Variants in PPARGC1B observed in about 807,000 individuals in gnomAD.
PPARGC1B encodes PPARG coactivator 1 beta.
PPARGC1B carries 34 observed loss-of-function variants against 101.6 expected under a neutral mutation model. The observed-to-expected ratio is 0.33, with a 90% CI of 0.25 to 0.45. The LOEUF (loss-of-function observed/expected upper bound fraction) is 0.45. PPARGC1B is among the 20% of genes least tolerant of loss of function. The pLI, the probability that PPARGC1B is intolerant of heterozygous loss-of-function variation, is 1.00. For synonymous variants in PPARGC1B, 548 were observed against 539.3 expected (o/e 1.02, Z -0.22); for missense variants, 1,234 against 1,317.6 (o/e 0.94, Z 0.98).
chr5:149,730,475 C>A lies in PPARGC1B; in HGVS notation c.78+55C>A. On this transcript the variant is annotated intron_variant, in intron 1 of 11. Coordinates refer to ENST00000309241, the MANE Select transcript of PPARGC1B (RefSeq NM_133263.4). The surrounding 1 kb of genome is among the most constrained non-coding windows in gnomAD (Gnocchi z 4.0). ...GCCAGGGGTGCTGAGCTGCGGGGGC[C>A]GCAGCTGCAGCCGCGGAGGCCGGGA... 7.2e-7 allele frequency: 1 copy of A among 1,394,748 alleles called. No individual in the cohort carries two copies. The highest frequency in any genetic ancestry group is 9.6e-7 in the Non-Finnish European group (1 of 1,043,656). The allele number at this position is 1,394,748 out of a possible 1,614,324, so 86.4% of individuals were successfully genotyped here.
rs1759630220 is a variant in PPARGC1B, at chr5:149,847,865, C to T, written c.*307C>T. The T allele has an allele frequency of 2.5e-6, 1 of 392,214 alleles. No homozygotes were observed. The highest frequency in any genetic ancestry group is 4.1e-5 in the Admixed American group (1 of 24,584). The allele number at this position is 392,214 out of a possible 1,614,324, so 24.3% of individuals were successfully genotyped here. On this transcript the variant is annotated 3_prime_UTR_variant, in exon 12 of 12. Coordinates refer to ENST00000309241, the MANE Select transcript of PPARGC1B (RefSeq NM_133263.4). ...TCCGTCACCCATCGCCCCTTCCTTC[C>T]CGACTGACTTCCTCTCGTAGACTTG... is the stretch of plus-strand genomic sequence containing the variant.
rs568251619 is a variant in PPARGC1B at position 149,844,004 on chromosome 5, A to C, written c.2816+1627A>C. On this transcript the variant is annotated intron_variant, in intron 10 of 11. Transcript: ENST00000309241. ...GGGCTGCAGAGAGGAGGAATAAGGGAGGTGTTGTTTAATGGGCGTAGAGTT... is the reference window on the plus strand; with the variant it reads ...GGGCTGCAGAGAGGAGGAATAAGGGCGGTGTTGTTTAATGGGCGTAGAGTT... Among the ~76,000 whole-genome samples, 12 of 152,304 alleles carry C rather than the reference A, an allele frequency of 7.9e-5. No homozygotes were observed. In the East Asian group the frequency reaches 2.3e-3, roughly 29 times the overall value.
At chr5:149,805,894 G>C (rs1186249635) in intron 1 of PPARGC1B, among the ~76,000 whole-genome samples, 1 of 152,256 alleles carries the variant, frequency 6.6e-6, no homozygotes, top group Non-Finnish European at 1.5e-5. Context: ...TGGTGGAGCT[G>C]TGGGGGTTCC....
At chr5:149,780,972 G>C (rs1756576213) in intron 1 of PPARGC1B, among the ~76,000 whole-genome samples, 1 of 152,246 alleles carries the variant, frequency 6.6e-6, no homozygotes, top group African/African-American at 2.4e-5. Context: ...GGGAGGCCAA[G>C]GCGGGGGAAT....
intron 1 of PPARGC1B, among the ~76,000 whole-genome samples, chr5:149,739,049 G>A (rs1335873710): frequency 6.6e-6 from 1 of 152,242 alleles, no homozygotes; most frequent in Non-Finnish European, 1.5e-5. Context: ...GACTAGCAGT[G>A]TGGTTGCCTA....
chr5:149,813,683 TG>T (rs1347329422), intron 1 of PPARGC1B, among the ~76,000 whole-genome samples: 4 of 152,172 alleles, frequency 2.6e-5, no homozygotes, highest in Admixed American at 6.5e-5. Flanking sequence ...GAATGTCACT[TG>T]GGAACTAGAA....
chr5:149,818,002 A>C (rs1338885239), intron 1 of PPARGC1B, among the ~76,000 whole-genome samples: 4 of 152,228 alleles, frequency 2.6e-5, no homozygotes, highest in Non-Finnish European at 5.9e-5. Context: ...GCATCCCCAC[A>C]GTCTGCTTGG....
intron 1 of PPARGC1B, among the ~76,000 whole-genome samples, chr5:149,803,564 A>G (rs1223943161): frequency 6.6e-6 from 1 of 152,170 alleles, no homozygotes; most frequent in Non-Finnish European, 1.5e-5. Flanking sequence ...TTGTTCTGTC[A>G]TTGAGAGAGT....
At chr5:149,765,226 T>C (rs555135451) in intron 1 of PPARGC1B, among the ~76,000 whole-genome samples, 40 of 152,372 alleles carry the variant, frequency 2.6e-4, no homozygotes, top group African/African-American at 8.9e-4. Context: ...TGCCTGGGCA[T>C]GTAAGGCTCA....
rs1456996257 is a variant in PPARGC1B at position 149,847,985 on chromosome 5, T to TG, written c.*428dup. The TG allele has an allele frequency of 1.1e-5, 2 of 179,526 alleles. No individual in the cohort carries two copies. Among genetic ancestry groups the TG allele is most frequent in the Non-Finnish European group, 2.4e-5 (2 of 83,992 alleles). The allele number at this position is 179,526 out of a possible 1,614,324, so 11.1% of individuals were successfully genotyped here. The stretch of plus-strand genomic sequence containing the variant: ...CAGGACTATAAACTTCATTTTTAAT[T>TG]GAAAAAAAAAGTATATCCTTAAAAT... On this transcript the variant is annotated 3_prime_UTR_variant, in exon 12 of 12. Transcript: ENST00000309241.
chr5:149,827,687 A>G (rs1758584499), intron 3 of PPARGC1B, among the ~76,000 whole-genome samples: 1 of 152,264 alleles, frequency 6.6e-6, no homozygotes, highest in Non-Finnish European at 1.5e-5. Flanking sequence ...ACTGGTTTAC[A>G]CTTCCACCAG....
rs575163700 is a variant in PPARGC1B, at chr5:149,733,350, C to T, written c.78+2930C>T. On this transcript the variant is annotated intron_variant, in intron 1 of 11. Transcript: ENST00000309241. ...TCCCAAAGGACTGTGGGTGGCTTCA[C>T]CTTTGTTCAGGCTATGCCCCTGGCC... 1.1e-3 allele frequency among the ~76,000 whole-genome samples: 165 copies of T among 152,324 alleles called. 2 individuals are homozygous for T. The highest frequency in any genetic ancestry group is 1.0e-4 in the Non-Finnish European group (7 of 68,032).
intron 1 of PPARGC1B, among the ~76,000 whole-genome samples, chr5:149,772,292 T>A (rs1756163223): frequency 6.6e-6 from 1 of 152,080 alleles, no homozygotes; most frequent in Non-Finnish European, 1.5e-5. Flanking sequence ...TACGGTAGTG[T>A]GCGTGATGTG....
rs186349696 is a variant in PPARGC1B at position 149,816,144 on chromosome 5, G to C, written c.79-4289G>C. ...CTCTCTAAATATGGAGATGGCCAGAGAAATCACTATTAATGTGGCGCTTAA... is the reference window on the plus strand; with the variant it reads ...CTCTCTAAATATGGAGATGGCCAGACAAATCACTATTAATGTGGCGCTTAA... On this transcript the variant is annotated intron_variant, in intron 1 of 11. Transcript: ENST00000309241. Among the ~76,000 whole-genome samples the C allele has an allele frequency of 5.3e-5, 8 of 152,342 alleles. No homozygotes were observed. In the East Asian group the frequency reaches 1.3e-3, roughly 26 times the overall value.
chr5:149,830,941 A>ACCAGAGCTGAAG, intron 4 of PPARGC1B, 58 bp downstream of exon 4: 1 of 1,205,024 alleles, frequency 8.3e-7, no homozygotes, highest in Non-Finnish European at 1.2e-6. Flanking sequence ...TGCAGCCTTC[A>ACCAGAGCTGAAG]GCTCTGGTGG....
chr5:149,802,420 C>T (rs1757459775), intron 1 of PPARGC1B, among the ~76,000 whole-genome samples: 1 of 151,942 alleles, frequency 6.6e-6, no homozygotes, highest in Admixed American at 6.6e-5. Context: ...TTCTTGACTT[C>T]CTCTCCTCTC....
chr5:149,739,613 G>A (rs1419166449), intron 1 of PPARGC1B, among the ~76,000 whole-genome samples: 4 of 152,162 alleles, frequency 2.6e-5, no homozygotes, highest in Admixed American at 6.5e-5. Flanking sequence ...CAGGTCTTGC[G>A]AGGTGCGGTG....
rs191892658 is a variant in PPARGC1B at position 149,800,724 on chromosome 5, T to C, written c.79-19709T>C. 1.3e-4 allele frequency among the ~76,000 whole-genome samples: 20 copies of C among 152,244 alleles called. No individual in the cohort carries two copies. In the East Asian group the frequency reaches 3.7e-3, roughly 28 times the overall value. ...GTCCCAACAGGTGGGGCCAGGTGCATGTTGGGTGTTTCAGGAGTGACATTT... is the reference window on the plus strand; with the variant it reads ...GTCCCAACAGGTGGGGCCAGGTGCACGTTGGGTGTTTCAGGAGTGACATTT... On this transcript the variant is annotated intron_variant, in intron 1 of 11. Transcript: ENST00000309241.
intron 1 of PPARGC1B, among the ~76,000 whole-genome samples, chr5:149,777,103 C>T (rs970658871): frequency 3.3e-5 from 5 of 152,296 alleles, no homozygotes; most frequent in East Asian, 1.9e-4. Flanking sequence ...AGCAGCAAGG[C>T]GAGGCTAGAA....
Sources: gnomAD v4.1 joint callset for allele counts (sites outside exome capture counted in the v4.1 genomes callset) on GRCh38, gnomAD v4.1.1 for gene constraint, Gnocchi (gnomAD v3.1) non-coding constraint, MANE v1.5 for transcripts, NCBI Gene and HGNC (gene_info 2026-07-23, HGNC 2026-07-21) for gene names.